The following PTPRG variants were observed in gnomAD, a reference collection of about 807,000 sequenced individuals.
PTPRG encodes the protein receptor-type tyrosine-protein phosphatase gamma.
PTPRG carries 102 observed loss-of-function variants against 165.3 expected under a neutral mutation model. The observed-to-expected ratio is 0.62, with a 90% confidence interval of 0.53 to 0.73. PTPRG has a LOEUF of 0.73. PTPRG is among the 30% of genes least tolerant of loss of function. PTPRG has a pLI of 0.00. For synonymous variants in PTPRG, 675 were observed against 669.5 expected, an observed-to-expected ratio of 1.01 and a Z score of -0.13; for missense variants, 1,866 against 1,861.4, an observed-to-expected ratio of 1.00 and a Z score of -0.05.
intron 5 of PTPRG, among the ~76,000 whole-genome samples, chr3:62,083,788 T>A (rs1408282655): frequency 6.6e-6 from 1 of 152,246 alleles, no homozygotes; most frequent in African/African-American, 2.4e-5. Context: ...CATTAAATGC[T>A]TTCATCTACT....
At chr3:61,632,361 T>C (rs369335342) in intron 1 of PTPRG, among the ~76,000 whole-genome samples, 4 of 152,262 alleles carry the variant, frequency 2.6e-5, no homozygotes, top group East Asian at 3.9e-4. Context: ...GAGGAAGTTA[T>C]AAGGCACATA....
intron 5 of PTPRG, among the ~76,000 whole-genome samples, chr3:62,096,984 A>G (rs1436708113): frequency 6.6e-6 from 1 of 152,206 alleles, no homozygotes; most frequent in Non-Finnish European, 1.5e-5. Flanking sequence ...TAGAAATATG[A>G]AGCAAAAATC....
intron 1 of PTPRG, among the ~76,000 whole-genome samples, chr3:61,659,087 C>G (rs1438943315): frequency 6.6e-6 from 1 of 152,158 alleles, no homozygotes; most frequent in African/African-American, 2.4e-5. Context: ...GGACAGTGCC[C>G]AAGACCTAGC....
intron 5 of PTPRG, chr3:62,124,284 C>T: frequency 6.4e-7 from 1 of 1,561,638 alleles, no homozygotes. Context: ...ATGCTGATGT[C>T]CGTGTTGAGG....
At chr3:61,755,850 A>T (rs1559594438) in intron 2 of PTPRG, among the ~76,000 whole-genome samples, 1 of 152,144 alleles carries the variant, frequency 6.6e-6, no homozygotes, top group Non-Finnish European at 1.5e-5. Context: ...TCTAAGGATG[A>T]TAGGGAGTAA....
At chr3:61,676,560 A>G (rs1418557710) in intron 1 of PTPRG, among the ~76,000 whole-genome samples, 2 of 150,632 alleles carry the variant, frequency 1.3e-5, no homozygotes, top group Non-Finnish European at 2.9e-5. Context: ...ACACACACAC[A>G]AACACACACA....
intron 2 of PTPRG, among the ~76,000 whole-genome samples, chr3:61,983,756 C>A (rs2040693656): frequency 6.6e-6 from 1 of 152,088 alleles, no homozygotes; most frequent in African/African-American, 2.4e-5. Context: ...TAACAGAGAA[C>A]TATACTGAAG....
intron 2 of PTPRG, among the ~76,000 whole-genome samples, chr3:61,870,160 G>T (rs1383166998): frequency 6.6e-6 from 1 of 151,550 alleles, no homozygotes; most frequent in African/African-American, 2.4e-5. Context: ...CAGCATTATT[G>T]TTTCTGTGAC....
chr3:62,019,157 T>C (rs1361804127), intron 4 of PTPRG, among the ~76,000 whole-genome samples: 2 of 152,132 alleles, frequency 1.3e-5, no homozygotes, highest in African/African-American at 4.8e-5. Context: ...AAAATCAAAT[T>C]CCTGAGGTCC....
intron 2 of PTPRG, among the ~76,000 whole-genome samples, chr3:61,932,085 CT>C (rs1030685082): frequency 2.0e-5 from 3 of 152,138 alleles, no homozygotes; most frequent in South Asian, 2.1e-4. Flanking sequence ...AATCTGTTTG[CT>C]TTTAAAAAAT....
At chr3:61,778,661 A>G (rs1275564974) in intron 2 of PTPRG, among the ~76,000 whole-genome samples, 1 of 152,110 alleles carries the variant, frequency 6.6e-6, no homozygotes, top group Non-Finnish European at 1.5e-5. Context: ...TTGGCCTGTC[A>G]GGTGAGAAAC....
intron 5 of PTPRG, among the ~76,000 whole-genome samples, chr3:62,119,815 T>C (rs1702998118): frequency 6.7e-6 from 1 of 148,962 alleles, no homozygotes; most frequent in Non-Finnish European, 1.5e-5. Context: ...TTTTGTATTT[T>C]AGTAGAGGCG....
At chr3:61,594,920 G>C (rs1218171595) in intron 1 of PTPRG, among the ~76,000 whole-genome samples, 2 of 152,104 alleles carry the variant, frequency 1.3e-5, no homozygotes, top group Non-Finnish European at 2.9e-5. Flanking sequence ...GTCTGAAATT[G>C]ACAGGGAATT....
Position 61,624,198 on chromosome 3 carries a change from A to G in PTPRG, c.85+61826A>G, listed in dbSNP as rs1701542220. 2.0e-5 allele frequency among the ~76,000 whole-genome samples: 3 copies of G among 152,238 alleles called. No homozygotes were observed. The South Asian group carries it at 6.2e-4, about 32-fold the overall frequency. On this transcript the variant is annotated intron_variant, in intron 1 of 29. Coordinates refer to ENST00000474889, the MANE Select transcript of PTPRG (RefSeq NM_002841.4). ...TCCTGTGAATTTAAATCCCGACTCTACCACTTAATAGCTGCGAACCGGAGC... is the reference window on the plus strand; with the variant it reads ...TCCTGTGAATTTAAATCCCGACTCTGCCACTTAATAGCTGCGAACCGGAGC...
rs1699807126 is a variant in PTPRG, at chr3:62,032,649, C to T, written c.519+29152C>T. Reference sequence around the variant, plus strand: ...TCCTGAGTTATAAATTTGCCATGATCGAGACTAAAATGCAGTGAAAGTTAA... The same window carrying T: ...TCCTGAGTTATAAATTTGCCATGATTGAGACTAAAATGCAGTGAAAGTTAA... On this transcript the variant is annotated intron_variant, in intron 4 of 29. Coordinates refer to ENST00000474889, the MANE Select transcript of PTPRG (RefSeq NM_002841.4). 3.3e-5 allele frequency among the ~76,000 whole-genome samples: 5 copies of T among 152,042 alleles called. 1 individual carries two copies. The South Asian group carries it at 1.0e-3, about 32-fold the overall frequency.
chr3:61,731,228 G>A (rs2032479401), intron 1 of PTPRG, among the ~76,000 whole-genome samples: 1 of 152,144 alleles, frequency 6.6e-6, no homozygotes, highest in Non-Finnish European at 1.5e-5. Context: ...CCCTTAAATT[G>A]TGGGGATGGG....
At chr3:61,803,647 G>A (rs1016101600) in intron 2 of PTPRG, among the ~76,000 whole-genome samples, 1 of 151,948 alleles carries the variant, frequency 6.6e-6, no homozygotes, top group Non-Finnish European at 1.5e-5. Flanking sequence ...CTTCCTGAAT[G>A]TTGCACTTTT....
intron 4 of PTPRG, among the ~76,000 whole-genome samples, chr3:62,004,296 A>G (rs2041240936): frequency 6.6e-6 from 1 of 152,208 alleles, no homozygotes. Context: ...GAAGAACAAA[A>G]TAGATGTGGT....
chr3:61,982,094 C>T lies in PTPRG; in HGVS notation c.191-7531C>T, dbSNP rs140392124. On this transcript the variant is annotated intron_variant, in intron 2 of 29. Coordinates refer to ENST00000474889, the MANE Select transcript of PTPRG (RefSeq NM_002841.4). The stretch of plus-strand genomic sequence containing the variant: ...TTGGATGATTGTTTCTATTATGTCT[C>T]GATGGAAAGTCAGGATTCTAAAAGA... Among the ~76,000 whole-genome samples, 13 of 152,054 alleles carry T rather than the reference C, an allele frequency of 8.5e-5. No homozygotes were observed. The East Asian group carries it at 2.1e-3, about 25-fold the overall frequency.
Sources: allele counts gnomAD v4.1 joint callset (sites outside exome capture counted in the v4.1 genomes callset), GRCh38; gene constraint gnomAD v4.1.1; transcripts MANE v1.5; gene names NCBI Gene and HGNC (gene_info 2026-07-23, HGNC 2026-07-21).